The following PSIP1 variants were observed in gnomAD, a reference collection of about 807,000 sequenced individuals.
PSIP1 encodes PC4 and SFRS1-interacting protein.
A neutral mutation model predicts 74.7 loss-of-function variants in PSIP1; 19 were observed. The ratio of observed to expected loss-of-function variants is 0.25; its 90% CI spans 0.18 to 0.37. PSIP1 has a LOEUF of 0.37. Ranked by LOEUF, PSIP1 falls within the 10% of genes least tolerant of loss-of-function variation. The pLI is 1.00. For synonymous variants in PSIP1, 222 were observed against 195.3 expected (o/e 1.14, Z -1.14); for missense variants, 601 against 614.3 (o/e 0.98, Z 0.23).
At chr9:15,496,059 C>T (rs2037058487) in intron 3 of PSIP1, among the ~76,000 whole-genome samples, 1 of 152,152 alleles carries the variant, frequency 6.6e-6, no homozygotes, top group African/African-American at 2.4e-5. Flanking sequence ...TCCGACTGTG[C>T]ATGATTTTGA....
In PSIP1 at chr9:15,465,372, T is replaced by G. The variant is rs2035546363; in HGVS notation, c.*148A>C. The stretch of plus-strand genomic sequence containing the variant: ...AGTACACTTAGCGATAATGTTTACT[T>G]TACTTTAAAACAAAGGGATTTTCTC... On this transcript the variant is annotated 3_prime_UTR_variant, in exon 16 of 16. Coordinates refer to ENST00000380733, the MANE Select transcript of PSIP1 (RefSeq NM_033222.5). The G allele has an allele frequency of 1.5e-6, 1 of 661,074 alleles. No individual in the cohort carries two copies. 41.0% of individuals were successfully genotyped at this position (661,074 alleles called of 1,614,324 possible). A position where few individuals can be genotyped will look rare whatever the true frequency, so the allele number is the denominator to read the frequency against.
At chr9:15,478,911 A>G (rs941078180) in intron 7 of PSIP1, among the ~76,000 whole-genome samples, 3 of 152,062 alleles carry the variant, frequency 2.0e-5, no homozygotes, top group Non-Finnish European at 4.4e-5. Context: ...ATGCAGTTAC[A>G]TATCTTTGGA....
At position 15,465,531 on chromosome 9, in the gene PSIP1, G is replaced by A. The variant is rs369242345; in HGVS notation, c.1582C>T (p.Leu528=). The change falls in exon 16 of 16, where the codon CTA becomes TTA. Residue 528 remains leucine, a synonymous_variant. Transcript: ENST00000380733. ...CCAGGTATGTCAACCTAGTTATCTA[G>A]TGTAGAATCCTTCAGAGATATTTCA... ...ETEISLKDST[L]DN 2.5e-6 allele frequency: 4 copies of A among 1,572,548 alleles called. No individual in the cohort carries two copies. Among genetic ancestry groups the A allele is most frequent in the East Asian group, 2.3e-5 (1 of 44,382 alleles).
intron 3 of PSIP1, among the ~76,000 whole-genome samples, chr9:15,491,405 A>G (rs375841665): frequency 5.9e-5 from 9 of 152,196 alleles, no homozygotes; most frequent in East Asian, 3.9e-4. Context: ...GTATCAGGAG[A>G]CTCAAGTCTT....
chr9:15,474,673 A>G (rs2035998709), intron 8 of PSIP1, among the ~76,000 whole-genome samples: 1 of 152,162 alleles, frequency 6.6e-6, no homozygotes. Flanking sequence ...ATCACCACTG[A>G]ATTTCACAGA....
chr9:15,485,890 T>G (rs914176869), intron 6 of PSIP1, 116 bp downstream of exon 6: 76 of 894,752 alleles, frequency 8.5e-5, no homozygotes, highest in Non-Finnish European at 1.1e-4. Context: ...CATAAAAAAT[T>G]AAAGGGTTTA....
rs111799298 is a variant in PSIP1, at chr9:15,484,397, G to C, written c.456+1609C>G. 1.1e-4 allele frequency among the ~76,000 whole-genome samples: 16 copies of C among 151,910 alleles called. 2 individuals carry two copies. Among genetic ancestry groups the C allele is most frequent in the East Asian group, 7.8e-4 (4 of 5,130 alleles). ...GCAGATCACCTGAGGTCAGGAGTTC[G>C]AGATAAGCCTGGCCAACATGGTGAG... On this transcript the variant is annotated intron_variant, in intron 6 of 15. Coordinates refer to ENST00000380733, the MANE Select transcript of PSIP1 (RefSeq NM_033222.5).
At chr9:15,483,350 TCCCCCG>T (rs2036419122) in intron 6 of PSIP1, among the ~76,000 whole-genome samples, 1 of 146,638 alleles carries the variant, frequency 6.8e-6, no homozygotes, top group Non-Finnish European at 1.5e-5. Context: ...TCTAGTTCCC[TCCCCCG>T]CCCCCTTTAC....
intron 4 of PSIP1, among the ~76,000 whole-genome samples, 163 bp downstream of exon 4, chr9:15,489,823 T>C (rs2036743218): frequency 1.3e-5 from 2 of 152,150 alleles, no homozygotes; most frequent in Admixed American, 1.3e-4. Flanking sequence ...ATTTTGTCAA[T>C]TCATTTTGAT....
intron 2 of PSIP1, among the ~76,000 whole-genome samples, chr9:15,509,738 A>T (rs1257365348): frequency 1.3e-5 from 2 of 152,338 alleles, no homozygotes; most frequent in East Asian, 3.9e-4. Flanking sequence ...AATCTGCACA[A>T]ATTCCATTGA....
chr9:15,469,232 A>C, intron 12 of PSIP1, 34 bp downstream of exon 12: 1 of 1,366,282 alleles, frequency 7.3e-7, no homozygotes. Flanking sequence ...CTATAAATGC[A>C]GTACTGAAGT....
chr9:15,504,672 G>A (rs1313518353), intron 3 of PSIP1, among the ~76,000 whole-genome samples: 1 of 151,548 alleles, frequency 6.6e-6, no homozygotes. Flanking sequence ...AGGAGGCGGA[G>A]CATGCAGTGA....
At chr9:15,478,930 T>C (rs1037087954) in intron 7 of PSIP1, among the ~76,000 whole-genome samples, 1 of 152,078 alleles carries the variant, frequency 6.6e-6, no homozygotes, top group East Asian at 1.9e-4. Context: ...GAAGTTCATA[T>C]CAAAATTCAC....
chr9:15,485,801 C>T, intron 6 of PSIP1: 2 of 419,054 alleles, frequency 4.8e-6, no homozygotes, highest in East Asian at 3.8e-5. Flanking sequence ...ATTTTATTTC[C>T]TTTACCACTC....
intron 10 of PSIP1, chr9:15,472,356 A>C: frequency 8.1e-7 from 1 of 1,227,098 alleles, no homozygotes; most frequent in South Asian, 2.4e-5. Flanking sequence ...GGATGAGTAC[A>C]CTTCTTGCAA....
intron 11 of PSIP1, 115 bp from the exon 12 acceptor site, chr9:15,469,451 T>A: frequency 9.7e-6 from 6 of 616,358 alleles, no homozygotes; most frequent in Non-Finnish European, 1.4e-5. Flanking sequence ...CTTAGTAATC[T>A]TTACTAAGAA....
At chr9:15,500,222 T>C (rs2037273406) in intron 3 of PSIP1, among the ~76,000 whole-genome samples, 1 of 152,150 alleles carries the variant, frequency 6.6e-6, no homozygotes. Context: ...ATCCCAGCAC[T>C]GTGGAGGCCG....
At chr9:15,467,378 A>G (rs1353816737) in intron 14 of PSIP1, among the ~76,000 whole-genome samples, 1 of 152,232 alleles carries the variant, frequency 6.6e-6, no homozygotes, top group Non-Finnish European at 1.5e-5. Flanking sequence ...TCCCCAATAA[A>G]GCAACAAAAA....
In PSIP1 at chr9:15,510,221, G is replaced by A. The variant is rs772158065; in HGVS notation, c.-33C>T. ...GGGCGAGACCGGGGGTCCGAAGCCCGGGAGGCGGCGAGGAGATGCGGCGGC... is the reference window on the plus strand; with the variant it reads ...GGGCGAGACCGGGGGTCCGAAGCCCAGGAGGCGGCGAGGAGATGCGGCGGC... On this transcript the variant is annotated 5_prime_UTR_variant, in exon 2 of 16. Transcript: ENST00000380733. 7 of 1,588,406 alleles carry A rather than the reference G, an allele frequency of 4.4e-6. No homozygotes were observed. The East Asian group carries it at 7.0e-5, about 16-fold the overall frequency.
Sources: gnomAD v4.1 joint callset for allele counts (sites outside exome capture counted in the v4.1 genomes callset) on GRCh38, gnomAD v4.1.1 for gene constraint, MANE v1.5 for transcripts, NCBI Gene and HGNC (gene_info 2026-07-23, HGNC 2026-07-21) for gene names.